The following GPR160 variants were observed in gnomAD, a reference collection of about 807,000 sequenced individuals.
The protein encoded by GPR160 is probable G protein-coupled receptor 160.
Under a neutral mutation model 2.6 loss-of-function variants are expected in GPR160, and 2 were observed. The observed-to-expected ratio is 0.77, with a 90% confidence interval of 0.32 to 2.44. GPR160 has a LOEUF of 2.44. GPR160 is among the 30% of genes most tolerant of loss of function. GPR160 has a pLI of 0.11. For missense variants in GPR160, 351 were observed against 383.6 expected (o/e 0.91, Z 0.71); for synonymous variants, 130 against 132.2 (o/e 0.98, Z 0.12).
intron 2 of GPR160, chr3:170,063,225 T>C (rs924102177): frequency 6.6e-6 from 1 of 152,404 alleles, no homozygotes; most frequent in African/African-American, 2.4e-5. Flanking sequence ...GTGCTTCCCA[T>C]GCATGCAGTC....
intron 2 of GPR160, chr3:170,062,765 G>A (rs1712033962): frequency 1.2e-6 from 1 of 867,564 alleles, no homozygotes; most frequent in Admixed American, 2.0e-5. Context: ...GGAGCTCCAG[G>A]AAGGGCAAAG....
intron 2 of GPR160, among the ~76,000 whole-genome samples, chr3:170,045,434 A>G (rs1182563944): frequency 6.0e-5 from 8 of 133,772 alleles, no homozygotes; most frequent in Non-Finnish European, 9.3e-5. Context: ...AAAAAAAAAA[A>G]AAAAAAAAAA....
At chr3:170,068,250 T>C (rs1712440217) in intron 2 of GPR160, among the ~76,000 whole-genome samples, 1 of 152,206 alleles carries the variant, frequency 6.6e-6, no homozygotes, top group African/African-American at 2.4e-5. Context: ...GTTCAAGCTA[T>C]TCTCCTGCCT....
intron 2 of GPR160, among the ~76,000 whole-genome samples, chr3:170,050,545 T>G (rs1716914313): frequency 6.6e-6 from 1 of 152,170 alleles, no homozygotes; most frequent in South Asian, 2.1e-4. Flanking sequence ...CAGCTGGGAT[T>G]ACAGGCATGC....
At position 170,085,196 on chromosome 3, in the gene GPR160, G is replaced by C. The variant is rs1162182105; in HGVS notation, c.*207G>C. 7 of 362,298 alleles carry C rather than the reference G, an allele frequency of 1.9e-5. No homozygotes were observed. Among genetic ancestry groups the C allele is most frequent in the African/African-American group, 1.5e-4 (7 of 47,176 alleles). 22.4% of individuals were successfully genotyped at this position (362,298 alleles called of 1,614,324 possible). On this transcript the variant is annotated 3_prime_UTR_variant, in exon 4 of 4. Coordinates refer to ENST00000355897, the MANE Select transcript of GPR160 (RefSeq NM_014373.3). ...AAAATAATTCCAAGAAGTTTTTATA[G>C]TTATTCAGGGACACTATATTACAAA... is the stretch of plus-strand genomic sequence containing the variant.
chr3:170,046,806 G>T (rs1370970690), intron 2 of GPR160, among the ~76,000 whole-genome samples: 1 of 152,162 alleles, frequency 6.6e-6, no homozygotes, highest in Admixed American at 6.5e-5. Flanking sequence ...GCCTGTTTCA[G>T]GAGAGGAGGT....
chr3:170,053,136 T>C (rs73879164), intron 2 of GPR160, among the ~76,000 whole-genome samples: 24,482 of 152,090 alleles, frequency 0.16, 2,261 homozygotes, highest in East Asian at 0.25. Context: ...TTTTCATATA[T>C]ATTTTAGCAT....
chr3:170,054,269 A>G (rs1208390051), intron 2 of GPR160, among the ~76,000 whole-genome samples: 2 of 152,108 alleles, frequency 1.3e-5, no homozygotes, highest in Non-Finnish European at 2.9e-5. Flanking sequence ...GAGTATAAGA[A>G]AGAAGACCAT....
chr3:170,064,174 A>G (rs1391947777), intron 2 of GPR160, among the ~76,000 whole-genome samples: 1 of 152,186 alleles, frequency 6.6e-6, no homozygotes, highest in Admixed American at 6.5e-5. Flanking sequence ...AGAGATTTGT[A>G]GTGGGACCAG....
chr3:170,079,125 A>G (rs1177023495), intron 2 of GPR160, among the ~76,000 whole-genome samples: 1 of 152,242 alleles, frequency 6.6e-6, no homozygotes, highest in African/African-American at 2.4e-5. Flanking sequence ...GGCTTTCGGC[A>G]TTATGTCTGT....
In GPR160 at chr3:170,084,165, G is replaced by A. The variant is rs61745703; in HGVS notation, c.193G>A (p.Val65Ile). ...ATATTTTTGCATTTCACTAGCATTCGTTGATCTTTTACTTTTGGTAAACAT... is the reference window on the plus strand; with the variant it reads ...ATATTTTTGCATTTCACTAGCATTCATTGATCTTTTACTTTTGGTAAACAT... The part of the protein sequence containing the change: ...MEYFCISLAF[V>I]DLLLLVNISI... Residue 65 changes from valine to isoleucine, a missense_variant, in exon 4 of 4, where the codon GTT (valine) becomes ATT (isoleucine). Physicochemically the swap from Val to Ile is conservative, Grantham distance 29 (BLOSUM62 3). Transcript: ENST00000355897. 1,320 of 1,590,994 alleles carry A rather than the reference G, an allele frequency of 8.3e-4. 6 individuals carry two copies. In the African/African-American group the frequency reaches 0.015, roughly 19 times the overall value.
At chr3:170,072,612 G>C (rs542742296) in intron 2 of GPR160, among the ~76,000 whole-genome samples, 3 of 152,292 alleles carry the variant, frequency 2.0e-5, no homozygotes, top group African/African-American at 7.2e-5. Flanking sequence ...GTGGAAGGCA[G>C]AGGGGGAGCA....
At chr3:170,042,676 A>T (rs1356308271) in intron 2 of GPR160, among the ~76,000 whole-genome samples, 1 of 146,540 alleles carries the variant, frequency 6.8e-6, no homozygotes, top group Non-Finnish European at 1.5e-5. Flanking sequence ...AAAAAAAAAA[A>T]ATAAATAAAT....
At position 170,042,975 on chromosome 3, in the gene GPR160, G is replaced by A. The variant is rs190962044; in HGVS notation, c.-193+3932G>A. Among the ~76,000 whole-genome samples, 622 of 150,330 alleles carry A rather than the reference G, an allele frequency of 4.1e-3. 5 individuals carry two copies. The highest frequency in any genetic ancestry group is 9.5e-3 in the African/African-American group (386 of 40,826). On this transcript the variant is annotated intron_variant, in intron 2 of 3. Transcript: ENST00000355897. ...CAGCTCACTGCAAGCTCTGCCTCCC[G>A]GATTCATGCCATTCTCCTGCCTCAG...
intron 2 of GPR160, among the ~76,000 whole-genome samples, chr3:170,051,169 T>G (rs983926893): frequency 2.2e-4 from 33 of 152,226 alleles, no homozygotes; most frequent in Admixed American, 1.9e-3. Flanking sequence ...TATATAATGG[T>G]GTCTCATTGG....
chr3:170,052,967 T>C (rs1717021731), intron 2 of GPR160, among the ~76,000 whole-genome samples: 1 of 152,134 alleles, frequency 6.6e-6, no homozygotes, highest in Non-Finnish European at 1.5e-5. Context: ...TTGAAAAGAC[T>C]TTCCTTTCCT....
chr3:170,082,973 G>GGT (rs1713210945), intron 3 of GPR160, among the ~76,000 whole-genome samples: 1 of 136,386 alleles, frequency 7.3e-6, no homozygotes, highest in Non-Finnish European at 1.6e-5. Flanking sequence ...CATTTTTGGG[G>GGT]TTTTTTTTTT....
chr3:170,060,095 C>T (rs1242433933), intron 2 of GPR160, among the ~76,000 whole-genome samples: 1 of 151,710 alleles, frequency 6.6e-6, no homozygotes, highest in Non-Finnish European at 1.5e-5. Context: ...ACCAGAAGTA[C>T]AACGTGCCAA....
At chr3:170,070,109 C>T (rs529126406) in intron 2 of GPR160, among the ~76,000 whole-genome samples, 43 of 152,218 alleles carry the variant, frequency 2.8e-4, no homozygotes, top group African/African-American at 9.9e-4. Context: ...TATAATTCAG[C>T]CCATCATACC....
Sources: gnomAD v4.1 joint callset for allele counts (sites outside exome capture counted in the v4.1 genomes callset) on GRCh38, gnomAD v4.1.1 for gene constraint, MANE v1.5 for transcripts, NCBI Gene and HGNC (gene_info 2026-07-23, HGNC 2026-07-21) for gene names.